Variants in GPAT4 observed in about 807,000 individuals in gnomAD.
GPAT4 encodes 1-AGP acyltransferase 6.
In GPAT4, 17 loss-of-function variants were observed where a neutral mutation model predicts 58.0. The observed-to-expected ratio is 0.29, with a 90% CI of 0.20 to 0.44. GPAT4 has a LOEUF of 0.44. Among genes scored for constraint, GPAT4 ranks in the 20% least tolerant of loss-of-function variants. The pLI is 1.00. For synonymous variants in GPAT4, 204 were observed against 210.1 expected, an observed-to-expected ratio of 0.97 and a Z score of 0.25; for missense variants, 377 against 574.5, an observed-to-expected ratio of 0.66 and a Z score of 3.51.
At chr8:41,620,685 G>T (rs867297700) in intron 12 of GPAT4, among the ~76,000 whole-genome samples, 3 of 152,272 alleles carry the variant, frequency 2.0e-5, no homozygotes, top group Non-Finnish European at 4.4e-5. Context: ...TCACCCAAGG[G>T]CAAGGGTAGA....
At chr8:41,615,170 G>A (rs1166702152) in intron 10 of GPAT4, 122 bp downstream of exon 10, 2 of 859,740 alleles carry the variant, frequency 2.3e-6, no homozygotes, top group African/African-American at 1.7e-5. Context: ...CAGCAGAGTG[G>A]CGTGGGGCTG....
At chr8:41,593,208 G>A (rs1440516897) in intron 1 of GPAT4, among the ~76,000 whole-genome samples, 8 of 152,090 alleles carry the variant, frequency 5.3e-5, no homozygotes, top group Non-Finnish European at 1.2e-4. Flanking sequence ...GTCCCCACCA[G>A]TCTTCAGTCC....
intron 10 of GPAT4, among the ~76,000 whole-genome samples, chr8:41,617,047 G>T (rs1803614515): frequency 6.6e-6 from 1 of 152,154 alleles, no homozygotes; most frequent in Admixed American, 6.6e-5. Flanking sequence ...CAGAATTTCT[G>T]TCCATATCAG....
intron 12 of GPAT4, 156 bp downstream of exon 12, chr8:41,619,133 C>T (rs547357274): frequency 2.3e-6 from 2 of 871,148 alleles, no homozygotes; most frequent in African/African-American, 1.7e-5. Context: ...CAGAAGTGCC[C>T]TGTGCTTCCT....
intron 2 of GPAT4, among the ~76,000 whole-genome samples, chr8:41,603,425 C>CTG (rs1048877508): frequency 2.4e-4 from 36 of 150,390 alleles, no homozygotes; most frequent in South Asian, 2.1e-4. Flanking sequence ...ACTCGGGAGG[C>CTG]TGAAGCAGAA....
Position 41,623,247 on chromosome 8 carries a change from CCAT to C in GPAT4, c.*2248_*2250del, listed in dbSNP as rs1803812115. 1 of 152,204 alleles carries C rather than the reference CCAT, an allele frequency of 6.6e-6. No homozygotes were observed. Among genetic ancestry groups the C allele is most frequent in the Non-Finnish European group, 1.5e-5 (1 of 68,050 alleles). 9.4% of individuals were successfully genotyped at this position (152,204 alleles called of 1,614,324 possible). Reference sequence around the variant, plus strand: ...TTTTACCATCATCCAGGCGACTGCTCCATCCTTTTAAATTAGGGGTCCTGCAAG... The same window carrying C: ...TTTTACCATCATCCAGGCGACTGCTCCCTTTTAAATTAGGGGTCCTGCAAG... On this transcript the variant is annotated 3_prime_UTR_variant, in exon 13 of 13. Transcript: ENST00000396987.
rs138755218 is a variant in GPAT4, at chr8:41,612,000, C to T, written c.701+8C>T. 2,352 of 1,613,684 alleles carry T rather than the reference C, an allele frequency of 1.5e-3. 33 individuals carry two copies. The South Asian group carries it at 0.023, about 16-fold the overall frequency. On this transcript the variant is annotated splice_region_variant and intron_variant, in intron 6 of 12. Transcript: ENST00000396987. ...CATCACCTACCATGACAGGTGAGAG[C>T]GCTTTGTATTGATAGGAAGGGAGAT... is the stretch of plus-strand genomic sequence containing the variant.
At position 41,595,420 on chromosome 8, in the gene GPAT4, ACTTT is replaced by A. The variant is rs1407488765; in HGVS notation, c.-848-2868_-848-2865del. 3.2e-5 allele frequency among the ~76,000 whole-genome samples: 4 copies of A among 126,178 alleles called. No individual in the cohort carries two copies. In the Admixed American group the frequency reaches 3.9e-4, roughly 12 times the overall value. 82.8% of individuals were successfully genotyped at this position (126,178 alleles called of 152,430 possible). On this transcript the variant is annotated intron_variant, in intron 1 of 12. Transcript: ENST00000396987. ...GGTTTCCTCTAAAAGTTATTTTTCT[ACTTT>A]CTTCTGTTAGCAAAGCAGTTGCCAC...
At chr8:41,596,737 C>T (rs1196804430) in intron 1 of GPAT4, among the ~76,000 whole-genome samples, 2 of 152,256 alleles carry the variant, frequency 1.3e-5, no homozygotes, top group African/African-American at 4.8e-5. Context: ...CTCTAATCAC[C>T]TTGTTTCCAG....
rs1803739672 is a variant in GPAT4, at chr8:41,621,169, A to G, written c.*168A>G. On this transcript the variant is annotated 3_prime_UTR_variant, in exon 13 of 13. Transcript: ENST00000396987. Reference sequence around the variant, plus strand: ...CCGAGCCGCAGCGGGATCCCTGTGCACCCGGCGCAGCCTACCCTTGGTGGT... The same window carrying G: ...CCGAGCCGCAGCGGGATCCCTGTGCGCCCGGCGCAGCCTACCCTTGGTGGT... 1 of 980,884 alleles carries G rather than the reference A, an allele frequency of 1.0e-6. No homozygotes were observed. Among genetic ancestry groups the G allele is most frequent in the East Asian group, 2.6e-5 (1 of 37,738 alleles). The allele number at this position is 980,884 out of a possible 1,614,324, so 60.8% of individuals were successfully genotyped here. A position where few individuals can be genotyped will look rare whatever the true frequency, so the allele number is the denominator to read the frequency against.
chr8:41,587,985 G>A lies in GPAT4; in HGVS notation c.-849+9707G>A, dbSNP rs192771791. Among the ~76,000 whole-genome samples, 18 of 152,186 alleles carry A rather than the reference G, an allele frequency of 1.2e-4. No individual in the cohort carries two copies. In the East Asian group the frequency reaches 2.5e-3, roughly 21 times the overall value. The stretch of plus-strand genomic sequence containing the variant: ...TTCAATTCGAATTTCTCCATTTTAC[G>A]ACTAACCTTTTTATTGAACACTTCC... On this transcript the variant is annotated intron_variant, in intron 1 of 12. Transcript: ENST00000396987.
chr8:41,612,165 A>G lies in GPAT4; in HGVS notation c.702-15A>G. 1 of 1,614,076 alleles carries G rather than the reference A, an allele frequency of 6.2e-7. No individual in the cohort carries two copies. The highest frequency in any genetic ancestry group is 8.5e-7 in the Non-Finnish European group (1 of 1,179,930). ...CACACTAATTTTGGTTGCTTTGCAT[A>G]CATTTTAAACCCAGGGAAAACAGAC... On this transcript the variant is annotated splice_polypyrimidine_tract_variant and intron_variant, in intron 6 of 12. Transcript: ENST00000396987.
intron 12 of GPAT4, among the ~76,000 whole-genome samples, chr8:41,620,571 CT>C (rs1204475075): frequency 3.9e-5 from 6 of 152,200 alleles, no homozygotes; most frequent in Admixed American, 6.5e-5. Context: ...AGAATTCCTC[CT>C]TTTCCTTTGT....
intron 1 of GPAT4, among the ~76,000 whole-genome samples, chr8:41,587,707 G>C (rs1213402640): frequency 6.6e-6 from 1 of 152,194 alleles, no homozygotes; most frequent in African/African-American, 2.4e-5. Flanking sequence ...GATATTGCCA[G>C]ATGCTCCCCA....
intron 1 of GPAT4, among the ~76,000 whole-genome samples, chr8:41,579,858 A>T (rs149262102): frequency 6.6e-6 from 1 of 152,142 alleles, no homozygotes; most frequent in African/African-American, 2.4e-5. Flanking sequence ...GAAAAGAAAA[A>T]AAGTGTTTCA....
chr8:41,580,124 C>A (rs532783061), intron 1 of GPAT4, among the ~76,000 whole-genome samples: 219 of 152,276 alleles, frequency 1.4e-3, no homozygotes, highest in African/African-American at 4.6e-3. Flanking sequence ...GCTTTTCCAC[C>A]AAATTTCAGA....
intron 1 of GPAT4, among the ~76,000 whole-genome samples, chr8:41,590,394 C>G (rs1027154990): frequency 6.6e-6 from 1 of 152,214 alleles, no homozygotes; most frequent in African/African-American, 2.4e-5. Context: ...AGTGCTACTT[C>G]ATTTTAAAGC....
chr8:41,587,281 G>T (rs1005596877), intron 1 of GPAT4, among the ~76,000 whole-genome samples: 1 of 152,202 alleles, frequency 6.6e-6, no homozygotes, highest in Non-Finnish European at 1.5e-5. Context: ...GCATGCTCCA[G>T]CCATTTCAGA....
intron 1 of GPAT4, among the ~76,000 whole-genome samples, chr8:41,597,954 T>C (rs1802975960): frequency 1.3e-5 from 2 of 152,248 alleles, no homozygotes; most frequent in Non-Finnish European, 2.9e-5. Context: ...GGAACCACTC[T>C]GAGTATCTGG....
Sources: gnomAD v4.1 joint callset for allele counts (sites outside exome capture counted in the v4.1 genomes callset) on GRCh38, gnomAD v4.1.1 for gene constraint, MANE v1.5 for transcripts, NCBI Gene and HGNC (gene_info 2026-07-23, HGNC 2026-07-21) for gene names.